Variants in EAF2 observed in about 807,000 individuals in gnomAD.
The protein encoded by EAF2 is ELL-associated factor 2.
A neutral mutation model predicts 29.4 loss-of-function variants in EAF2; 29 were observed. The ratio of observed to expected loss-of-function variants is 0.99; its 90% CI spans 0.73 to 1.35. The LOEUF (loss-of-function observed/expected upper bound fraction) is 1.35, where lower values mean the gene tolerates loss of function less well. Among genes scored for constraint, EAF2 ranks in the 40% most tolerant of loss-of-function variants. The pLI, the probability that EAF2 is intolerant of heterozygous loss-of-function variation, is 0.00. For synonymous variants in EAF2, 103 were observed against 102.5 expected (o/e 1.00, Z -0.03); for missense variants, 292 against 312.0 (o/e 0.94, Z 0.48).
At chr3:121,841,869 G>A (rs537689657) in intron 1 of EAF2, among the ~76,000 whole-genome samples, 114 of 151,874 alleles carry the variant, frequency 7.5e-4, no homozygotes, top group Admixed American at 4.1e-3. Flanking sequence ...AGCCGGATAT[G>A]GTGGTGCACG....
chr3:121,838,462 T>C (rs1003489152), intron 1 of EAF2, among the ~76,000 whole-genome samples: 1 of 152,146 alleles, frequency 6.6e-6, no homozygotes, highest in Admixed American at 6.5e-5. Context: ...TTATATACTT[T>C]TAAAAAAGTG....
chr3:121,886,364 A>G lies in EAF2; in HGVS notation c.759A>G (p.Glu253=). The G allele has an allele frequency of 6.7e-7, 1 of 1,490,712 alleles. No individual in the cohort carries two copies. The highest frequency in any genetic ancestry group is 9.0e-7 in the Non-Finnish European group (1 of 1,114,632). The allele number at this position is 1,490,712 out of a possible 1,614,324, so 92.3% of individuals were successfully genotyped here. A position where few individuals can be genotyped will look rare whatever the true frequency, so the allele number is the denominator to read the frequency against. ...NTLRNDLQLS[E]SGSDSDD is the part of the protein sequence containing the mutation. ...TAGGAAATGATTTGCAGCTGAGTGA[A>G]TCAGGAAGTGACAGTGATGACTGAA... Residue 253 remains glutamate (E), a synonymous_variant, in exon 6 of 6, where the codon GAA becomes GAG. Coordinates refer to ENST00000273668, the MANE Select transcript of EAF2 (RefSeq NM_018456.6).
intron 2 of EAF2, among the ~76,000 whole-genome samples, chr3:121,847,034 C>G (rs1233906537): frequency 6.6e-6 from 1 of 152,162 alleles, no homozygotes; most frequent in Non-Finnish European, 1.5e-5. Flanking sequence ...CTCCTTTCCA[C>G]AAGCCCCCAC....
chr3:121,844,488 G>A lies in EAF2; in HGVS notation c.142G>A (p.Glu48Lys), dbSNP rs551917491. The change falls in exon 2 of 6, where the codon GAA becomes AAA. Residue 48 changes from glutamate (E) to lysine (K), a missense_variant. By Grantham distance (56) the Glu-to-Lys change is moderately conservative. Transcript: ENST00000273668. ...ACCTGCTTCTATTGACACTTCTTCT[G>A]AAGGATACCTTGAGGTTGGTGAAGG... ...FKPASIDTSS[E>K]GYLEVGEGEQ... 6.2e-7 allele frequency: 1 copy of A among 1,610,382 alleles called. No individual in the cohort carries two copies. Among genetic ancestry groups the A allele is most frequent in the Admixed American group, 1.7e-5 (1 of 59,370 alleles).
At chr3:121,882,471 G>C (rs534286360) in intron 5 of EAF2, among the ~76,000 whole-genome samples, 1 of 152,008 alleles carries the variant, frequency 6.6e-6, no homozygotes, top group East Asian at 1.9e-4. Flanking sequence ...CATACTAATA[G>C]AGACTTTAGG....
intron 5 of EAF2, among the ~76,000 whole-genome samples, chr3:121,880,987 A>C (rs1576659107): frequency 6.6e-6 from 1 of 152,106 alleles, no homozygotes; most frequent in East Asian, 1.9e-4. Flanking sequence ...AGATAATCAT[A>C]TGGTTTTTGT....
chr3:121,875,077 T>G (rs1709073030), intron 5 of EAF2, among the ~76,000 whole-genome samples: 2 of 151,694 alleles, frequency 1.3e-5, no homozygotes, highest in Non-Finnish European at 2.9e-5. Flanking sequence ...TCAGGGAAAG[T>G]TATAATAATA....
intron 4 of EAF2, among the ~76,000 whole-genome samples, chr3:121,863,720 G>T (rs933983872): frequency 1.3e-5 from 2 of 151,982 alleles, no homozygotes; most frequent in African/African-American, 4.8e-5. Flanking sequence ...ACAAGCCCCA[G>T]TGAGACGAAC....
rs370593056 is a variant in EAF2 at position 121,872,755 on chromosome 3, C to T, written c.703C>T (p.Arg235Ter). ...TATAGATGCCAGTCATAATAGATTT[C>T]GAGACAACAGTGGCCTTCTGATGAA... The part of the protein sequence containing the change: ...PDIDASHNRF[R>*]DNSGLLMNTL... Residue 235 changes from arginine (R) to a stop codon, truncating the protein, a stop_gained, in exon 5 of 6, where the codon CGA (arginine) becomes TGA (stop). Coordinates refer to ENST00000273668, the MANE Select transcript of EAF2 (RefSeq NM_018456.6). LOFTEE classifies it high-confidence loss of function. The T allele has an allele frequency of 5.8e-5, 93 of 1,611,754 alleles. No homozygotes were observed. The highest frequency in any genetic ancestry group is 7.1e-5 in the Non-Finnish European group (84 of 1,178,742).
rs191848489 is a variant in EAF2 at position 121,857,144 on chromosome 3, G to A, written c.472G>A (p.Asp158Asn). 9.2e-5 allele frequency: 148 copies of A among 1,608,152 alleles called. No individual in the cohort carries two copies. The African/African-American group carries it at 1.7e-3, about 19-fold the overall frequency. Residue 158 changes from aspartate to asparagine, a missense_variant, in exon 4 of 6, where the codon GAT becomes AAT. By Grantham distance (23) the Asp-to-Asn change is conservative. Coordinates refer to ENST00000273668, the MANE Select transcript of EAF2 (RefSeq NM_018456.6). The part of the protein sequence containing the change: ...DKMSPASPID[D>N]IERELKAEAS... ...GATGTCCCCAGCATCTCCAATAGATGATATCGAAAGAGGTAAAATCTAAGT... is the reference window on the plus strand; with the variant it reads ...GATGTCCCCAGCATCTCCAATAGATAATATCGAAAGAGGTAAAATCTAAGT...
At chr3:121,839,014 A>C (rs1413990638) in intron 1 of EAF2, among the ~76,000 whole-genome samples, 1 of 152,178 alleles carries the variant, frequency 6.6e-6, no homozygotes, top group African/African-American at 2.4e-5. Context: ...TTCAACCCAA[A>C]ATTTTTTTTG....
chr3:121,866,680 G>C (rs967650085), intron 4 of EAF2, among the ~76,000 whole-genome samples: 1 of 151,910 alleles, frequency 6.6e-6, no homozygotes, highest in African/African-American at 2.4e-5. Flanking sequence ...AGCCAAGATA[G>C]TGCCACTGCG....
intron 4 of EAF2, among the ~76,000 whole-genome samples, chr3:121,871,106 CA>C (rs1709003933): frequency 6.6e-6 from 1 of 151,626 alleles, no homozygotes; most frequent in African/African-American, 2.4e-5. Context: ...TTAATAATAT[CA>C]AAAACTGAAA....
intron 5 of EAF2, among the ~76,000 whole-genome samples, chr3:121,877,864 C>A (rs1709127874): frequency 6.6e-6 from 1 of 151,970 alleles, no homozygotes; most frequent in African/African-American, 2.4e-5. Context: ...GCACTACAGC[C>A]TCGAACTCAG....
chr3:121,866,602 A>G (rs1395619088), intron 4 of EAF2, among the ~76,000 whole-genome samples: 1 of 151,886 alleles, frequency 6.6e-6, no homozygotes, highest in Non-Finnish European at 1.5e-5. Context: ...GCACGCACCT[A>G]TAATTCCAGC....
chr3:121,847,580 G>A (rs866557321), intron 2 of EAF2, among the ~76,000 whole-genome samples: 1 of 152,002 alleles, frequency 6.6e-6, no homozygotes. Flanking sequence ...ATTGATAAAG[G>A]GTCTATTATA....
At chr3:121,841,780 C>T (rs1708437695) in intron 1 of EAF2, among the ~76,000 whole-genome samples, 1 of 151,296 alleles carries the variant, frequency 6.6e-6, no homozygotes, top group African/African-American at 2.4e-5. Context: ...GAAGTCGAGG[C>T]GGGCGGATCA....
At chr3:121,852,125 G>T (rs1211771247) in intron 2 of EAF2, among the ~76,000 whole-genome samples, 1 of 152,080 alleles carries the variant, frequency 6.6e-6, no homozygotes, top group African/African-American at 2.4e-5. Context: ...ATTTATAAAG[G>T]TCTTGATACT....
At chr3:121,873,197 T>C (rs1425945582) in intron 5 of EAF2, 17 of 568,902 alleles carry the variant, frequency 3.0e-5, no homozygotes, top group Non-Finnish European at 5.2e-5. Flanking sequence ...CTCTAGGCTT[T>C]AGACACATGT....
Sources: allele counts gnomAD v4.1 joint callset (sites outside exome capture counted in the v4.1 genomes callset), GRCh38; gene constraint gnomAD v4.1.1; transcripts MANE v1.5; gene names NCBI Gene and HGNC (gene_info 2026-07-23, HGNC 2026-07-21).